Variants in APPL2 observed in about 807,000 individuals in gnomAD.
APPL2 encodes adaptor protein, phosphotyrosine interacting with PH domain and leucine zipper 2.
APPL2 carries 84 observed loss-of-function variants against 92.7 expected under a neutral mutation model. The ratio of observed to expected loss-of-function variants is 0.91; its 90% CI spans 0.76 to 1.09. APPL2 has a LOEUF of 1.09. Ranked by LOEUF, APPL2 falls within the 50% of genes least tolerant of loss-of-function variation. APPL2 has a pLI of 0.00. For missense variants in APPL2, 736 were observed against 824.5 expected (o/e 0.89, Z 1.31); for synonymous variants, 291 against 291.0 (o/e 1.00, Z 0.00).
chr12:105,180,935 C>G (rs1282955241), intron 17 of APPL2, among the ~76,000 whole-genome samples: 1 of 152,120 alleles, frequency 6.6e-6, no homozygotes, highest in Non-Finnish European at 1.5e-5. Context: ...TCCTCTCTTC[C>G]TATTTGAATA....
At chr12:105,188,196 T>C in intron 17 of APPL2, 77 bp downstream of exon 17, 1 of 1,504,102 alleles carries the variant, frequency 6.6e-7, no homozygotes, top group Non-Finnish European at 9.1e-7. Context: ...AGTACTAACA[T>C]TTCAGATGGG....
intron 17 of APPL2, among the ~76,000 whole-genome samples, chr12:105,187,411 G>A (rs1886828736): frequency 6.6e-6 from 1 of 152,154 alleles, no homozygotes. Flanking sequence ...AGTGGAGGGT[G>A]TGAATAGTTA....
At chr12:105,215,817 GAT>G (rs1889639043) in intron 4 of APPL2, among the ~76,000 whole-genome samples, 1 of 152,074 alleles carries the variant, frequency 6.6e-6, no homozygotes. Context: ...GAGGTGGGCG[GAT>G]CACAAGGTCA....
In APPL2 at chr12:105,197,830, T is replaced by C. The variant is rs752353154; in HGVS notation, c.987A>G (p.Ser329=). 6.2e-7 allele frequency: 1 copy of C among 1,614,210 alleles called. No individual in the cohort carries two copies. Among genetic ancestry groups the C allele is most frequent in the South Asian group, 1.1e-5 (1 of 91,084 alleles). The part of the protein sequence containing the change: ...GGLIQDLDNC[S]VMAVDCEDRR... ...GGTCTTCGCAATCCACGGCCATCAC[T>C]GAGCAGTTGTCCAGGTCCTGGATCA... Residue 329 remains serine, a synonymous_variant, in exon 11 of 21, where the codon TCA becomes TCG. Transcript: ENST00000258530.
At chr12:105,199,750 T>G (rs915951877) in intron 9 of APPL2, among the ~76,000 whole-genome samples, 1 of 152,216 alleles carries the variant, frequency 6.6e-6, no homozygotes, top group African/African-American at 2.4e-5. Context: ...ATGACTGCTG[T>G]TTTAAAACAG....
chr12:105,216,197 G>C (rs1412950394), intron 4 of APPL2, among the ~76,000 whole-genome samples: 1 of 151,906 alleles, frequency 6.6e-6, no homozygotes, highest in East Asian at 1.9e-4. Context: ...GTAAAATATA[G>C]CTATAAGAAC....
intron 14 of APPL2, among the ~76,000 whole-genome samples, chr12:105,190,360 T>A (rs1191915498): frequency 6.6e-6 from 1 of 152,192 alleles, no homozygotes; most frequent in Non-Finnish European, 1.5e-5. Context: ...TTCCTGCAGT[T>A]CTCTCTGCTG....
chr12:105,189,113 G>A lies in APPL2; in HGVS notation c.1459+659C>T, dbSNP rs185897932. On this transcript the variant is annotated intron_variant, in intron 16 of 20. Transcript: ENST00000258530. ...AGCTCACTGCAACCTCCGCCTCCCA[G>A]GTTCAAGTGATTCTCATGTCTCAGC... is the stretch of plus-strand genomic sequence containing the variant. Among the ~76,000 whole-genome samples the A allele has an allele frequency of 9.4e-4, 143 of 152,200 alleles. 1 individual carries two copies. Among genetic ancestry groups the A allele is most frequent in the African/African-American group, 3.2e-3 (133 of 41,526 alleles).
intron 19 of APPL2, 56 bp from the exon 20 acceptor site, chr12:105,176,138 G>C: frequency 6.8e-7 from 1 of 1,481,132 alleles, no homozygotes; most frequent in Non-Finnish European, 9.3e-7. Flanking sequence ...TAAAATTTTA[G>C]AACAAATGTG....
intron 20 of APPL2, among the ~76,000 whole-genome samples, chr12:105,175,653 C>T (rs1210097575): frequency 6.6e-6 from 1 of 152,118 alleles, no homozygotes; most frequent in Non-Finnish European, 1.5e-5. Context: ...TCTCAGAATC[C>T]TCATTTCTTA....
chr12:105,193,478 A>G (rs1316258955), intron 14 of APPL2, among the ~76,000 whole-genome samples: 1 of 152,236 alleles, frequency 6.6e-6, no homozygotes, highest in Non-Finnish European at 1.5e-5. Flanking sequence ...TCTCAACTGC[A>G]GGTCTGGTAT....
At chr12:105,211,157 T>C (rs1004448663) in intron 5 of APPL2, 73 bp downstream of exon 5, 8 of 1,069,324 alleles carry the variant, frequency 7.5e-6, no homozygotes, top group Non-Finnish European at 1.1e-5. Flanking sequence ...TTGAAAGAAA[T>C]GCAGTAAGAA....
chr12:105,228,682 C>A lies in APPL2; in HGVS notation c.153+443G>T, dbSNP rs1003241688. Among the ~76,000 whole-genome samples, 3 of 152,174 alleles carry A rather than the reference C, an allele frequency of 2.0e-5. No homozygotes were observed. In the East Asian group the frequency reaches 5.8e-4, roughly 29 times the overall value. On this transcript the variant is annotated intron_variant, in intron 2 of 20. Transcript: ENST00000258530. ...ATTTGTTCCACAAACAAAGAAGCCA[C>A]CCGATAGTTTCAGAACTGTGACTCA...
At chr12:105,193,174 A>T (rs1160258543) in intron 14 of APPL2, among the ~76,000 whole-genome samples, 1 of 152,162 alleles carries the variant, frequency 6.6e-6, no homozygotes, top group Non-Finnish European at 1.5e-5. Flanking sequence ...TTGGTCTAAG[A>T]ATGTGACTTG....
chr12:105,195,013 T>C (rs566653457), intron 14 of APPL2, among the ~76,000 whole-genome samples: 3 of 150,822 alleles, frequency 2.0e-5, no homozygotes, highest in East Asian at 1.9e-4. Context: ...TTGCTTGGAC[T>C]GCAGCAGCAT....
intron 11 of APPL2, among the ~76,000 whole-genome samples, chr12:105,197,020 G>C (rs1464543248): frequency 6.6e-6 from 1 of 152,088 alleles, no homozygotes; most frequent in Non-Finnish European, 1.5e-5. Flanking sequence ...CTGCTGTTCA[G>C]GTCAAATCTT....
At chr12:105,177,121 A>T in intron 18 of APPL2, 105 bp from the exon 19 acceptor site, 1 of 1,596,560 alleles carries the variant, frequency 6.3e-7, no homozygotes, top group Non-Finnish European at 8.6e-7. Context: ...TATTAGTCCT[A>T]TTAGTGGCAG....
chr12:105,181,494 T>A (rs1243796595), intron 17 of APPL2, among the ~76,000 whole-genome samples: 1 of 151,908 alleles, frequency 6.6e-6, no homozygotes, highest in African/African-American at 2.4e-5. Flanking sequence ...TAGGGAGGAG[T>A]CCCTCTTTTT....
At chr12:105,229,075 G>T in intron 2 of APPL2, 50 bp downstream of exon 2, 3 of 1,479,220 alleles carry the variant, frequency 2.0e-6, no homozygotes, top group Non-Finnish European at 2.8e-6. Context: ...TTCAGGATGA[G>T]GGGAGAGAAT....
Sources: allele counts gnomAD v4.1 joint callset (sites outside exome capture counted in the v4.1 genomes callset), GRCh38; gene constraint gnomAD v4.1.1; transcripts MANE v1.5; gene names NCBI Gene and HGNC (gene_info 2026-07-23, HGNC 2026-07-21).